Variants in FRK observed in about 807,000 individuals in gnomAD.
The protein encoded by FRK is fyn related Src family tyrosine kinase.
FRK carries 51 observed loss-of-function variants against 56.4 expected under a neutral mutation model. The ratio of observed to expected loss-of-function variants is 0.90; its 90% confidence interval spans 0.72 to 1.14. The LOEUF (loss-of-function observed/expected upper bound fraction) is 1.14, where lower values mean the gene tolerates loss of function less well. FRK is among the 50% of genes most tolerant of loss of function. The pLI, the probability that FRK is intolerant of heterozygous loss-of-function variation, is 0.00. For missense variants in FRK, 570 were observed against 601.4 expected, an observed-to-expected ratio of 0.95 and a Z score of 0.55; for synonymous variants, 245 against 217.9, an observed-to-expected ratio of 1.12 and a Z score of -1.10.
Position 115,994,329 on chromosome 6 carries a change from C to A in FRK, c.466+9548G>T, listed in dbSNP as rs960115859. Reference sequence around the variant, plus strand: ...GTATCCAGAATCTCACAACCTCCCCCCCCCCCGCCTTTTTTTTGTCATTAT... The same window carrying A: ...GTATCCAGAATCTCACAACCTCCCCACCCCCCGCCTTTTTTTTGTCATTAT... On this transcript the variant is annotated intron_variant, in intron 2 of 7. Transcript: ENST00000606080. 2.5e-4 allele frequency among the ~76,000 whole-genome samples: 26 copies of A among 105,304 alleles called. 3 individuals carry two copies. The highest frequency in any genetic ancestry group is 1.3e-3 in the Admixed American group (13 of 10,082). The allele number at this position is 105,304 out of a possible 152,430, so 69.1% of individuals were successfully genotyped here. A position where few individuals can be genotyped will look rare whatever the true frequency, so the allele number is the denominator to read the frequency against.
At chr6:115,990,578 G>A (rs1774561927) in intron 2 of FRK, among the ~76,000 whole-genome samples, 1 of 151,622 alleles carries the variant, frequency 6.6e-6, no homozygotes, top group South Asian at 2.1e-4. Flanking sequence ...AGATCAGTTG[G>A]TTTTGGCTAT....
At chr6:115,957,536 G>A (rs948274066) in intron 4 of FRK, among the ~76,000 whole-genome samples, 3 of 152,164 alleles carry the variant, frequency 2.0e-5, no homozygotes, top group African/African-American at 7.2e-5. Context: ...GATGCTCAAA[G>A]AGACTACTAC....
intron 1 of FRK, among the ~76,000 whole-genome samples, chr6:116,056,319 G>A (rs995649265): frequency 3.3e-5 from 5 of 151,254 alleles, no homozygotes; most frequent in African/African-American, 1.2e-4. Context: ...GGTTTAAGCA[G>A]TCTTCCTGCC....
chr6:115,966,306 G>A (rs1773573944), intron 4 of FRK, among the ~76,000 whole-genome samples: 1 of 152,100 alleles, frequency 6.6e-6, no homozygotes, highest in Admixed American at 6.6e-5. Context: ...TGTGGATTTT[G>A]CATTTGACCA....
chr6:116,049,523 C>T (rs1389703042), intron 1 of FRK, among the ~76,000 whole-genome samples: 1 of 152,186 alleles, frequency 6.6e-6, no homozygotes, highest in Non-Finnish European at 1.5e-5. Flanking sequence ...AAAGACTTTA[C>T]AGCCTCATAA....
rs2114488257 is a variant in FRK, at chr6:115,934,758, C to G, written c.*7656G>C. On this transcript the variant is annotated 3_prime_UTR_variant, in exon 8 of 8. Transcript: ENST00000606080. ...TGCTTTCTCATGGCTTGTTTCATTCCTATTGCTTTACACTGGAAGATCTTT... is the reference window on the plus strand; with the variant it reads ...TGCTTTCTCATGGCTTGTTTCATTCGTATTGCTTTACACTGGAAGATCTTT... 6.6e-6 allele frequency: 1 copy of G among 152,210 alleles called. No individual in the cohort carries two copies. Among genetic ancestry groups the G allele is most frequent in the East Asian group, 1.9e-4 (1 of 5,176 alleles). The allele number at this position is 152,210 out of a possible 1,614,324, so 9.4% of individuals were successfully genotyped here.
At chr6:116,078,930 A>T in the FRK span, among the ~76,000 whole-genome samples, 7 of 152,086 alleles carry the variant, frequency 4.6e-5, no homozygotes, top group African/African-American at 7.2e-5. Context: ...TATGACATTA[A>T]GATTCATCTA....
chr6:116,051,316 T>C (rs1266541321), intron 1 of FRK, among the ~76,000 whole-genome samples: 1 of 152,088 alleles, frequency 6.6e-6, no homozygotes, highest in Admixed American at 6.6e-5. Context: ...CACTATAAAA[T>C]GCACCATCTG....
chr6:116,073,682 G>T, the FRK span, among the ~76,000 whole-genome samples: 1 of 152,192 alleles, frequency 6.6e-6, no homozygotes, highest in Non-Finnish European at 1.5e-5. Context: ...TATTTTCCTT[G>T]TACATATTAT....
At chr6:115,958,712 A>AAAGAAAG (rs1562257489) in intron 4 of FRK, among the ~76,000 whole-genome samples, 1 of 16,520 alleles carries the variant, frequency 6.1e-5, no homozygotes, top group African/African-American at 2.5e-4. Flanking sequence ...AAGAAGAAAG[A>AAAGAAAG]AAGAAAGAAA....
chr6:116,074,494 G>A, the FRK span, among the ~76,000 whole-genome samples: 154 of 152,076 alleles, frequency 1.0e-3, no homozygotes, highest in African/African-American at 3.5e-3. Flanking sequence ...AGATATACAT[G>A]GGGCAAAATT....
chr6:115,967,457 G>T, intron 4 of FRK, 94 bp downstream of exon 4: 2 of 1,246,864 alleles, frequency 1.6e-6, no homozygotes, highest in Non-Finnish European at 2.3e-6. Flanking sequence ...CTTGCTGCCA[G>T]TATTAGCCAC....
At chr6:116,030,935 C>A (rs76485746) in intron 1 of FRK, among the ~76,000 whole-genome samples, 4,671 of 152,158 alleles carry the variant, frequency 0.031, 91 homozygotes, top group Non-Finnish European at 0.048. Context: ...TTAAGCTGTG[C>A]AGTCAGTAGG....
At chr6:115,960,197 G>A (rs784018) in intron 4 of FRK, among the ~76,000 whole-genome samples, 52,186 of 150,060 alleles carry the variant, frequency 0.35, 9,431 homozygotes, top group African/African-American at 0.44. Context: ...CGCACCGTGC[G>A]CGAGCCGAAG....
chr6:115,958,644 A>AAAAGAAGAAAGAAAG (rs1773122874), intron 4 of FRK, among the ~76,000 whole-genome samples: 2 of 3,818 alleles, frequency 5.2e-4, no homozygotes, highest in African/African-American at 1.5e-3. Context: ...GGAAAGAAAG[A>AAAAGAAGAAAGAAAG]AAAGAAAGAA....
intron 1 of FRK, among the ~76,000 whole-genome samples, chr6:116,026,341 A>G (rs1776087115): frequency 6.6e-6 from 1 of 152,194 alleles, no homozygotes; most frequent in South Asian, 2.1e-4. Flanking sequence ...TTCTGATTTC[A>G]GTTGAGAAGT....
the FRK span, among the ~76,000 whole-genome samples, chr6:116,072,340 C>T: frequency 6.6e-6 from 1 of 152,026 alleles, no homozygotes; most frequent in Admixed American, 6.6e-5. Context: ...GTCATTCTTT[C>T]TAAATAAAAA....
rs1309509139 is a variant in FRK at position 115,935,635 on chromosome 6, CGACCTGG to C, written c.*6772_*6778del. The stretch of plus-strand genomic sequence containing the variant: ...CATTGCAAGCACAGCAGTCTGAGGT[CGACCTGG>C]GACACTCGAGCTTGGAGGGAGGAGG... On this transcript the variant is annotated 3_prime_UTR_variant, in exon 8 of 8. Coordinates refer to ENST00000606080, the MANE Select transcript of FRK (RefSeq NM_002031.3). The C allele has an allele frequency of 3.9e-5, 6 of 152,304 alleles. No homozygotes were observed. Among genetic ancestry groups the C allele is most frequent in the Non-Finnish European group, 7.3e-5 (5 of 68,130 alleles). The allele number at this position is 152,304 out of a possible 1,614,324, so 9.4% of individuals were successfully genotyped here.
the FRK span, among the ~76,000 whole-genome samples, chr6:116,076,269 T>C: frequency 6.6e-6 from 1 of 152,212 alleles, no homozygotes; most frequent in Non-Finnish European, 1.5e-5. Flanking sequence ...GTCATATATA[T>C]GCAATGTATA....
Sources: gnomAD v4.1 joint callset for allele counts (sites outside exome capture counted in the v4.1 genomes callset) on GRCh38, gnomAD v4.1.1 for gene constraint, MANE v1.5 for transcripts, NCBI Gene and HGNC (gene_info 2026-07-23, HGNC 2026-07-21) for gene names.